The following ZNF891 variants were observed in gnomAD, a reference collection of about 807,000 sequenced individuals.
ZNF891 encodes hCG1646157.
For missense variants in ZNF891, 589 were observed against 632.7 expected (o/e 0.93, Z 0.74); for synonymous variants, 199 against 209.0 (o/e 0.95, Z 0.41).
rs535422046 is a variant in ZNF891 at position 133,120,982 on chromosome 12, G to T, written c.937C>A (p.Gln313Lys). The T allele has an allele frequency of 1.8e-5, 28 of 1,535,700 alleles. No homozygotes were observed. The South Asian group carries it at 3.0e-4, about 16-fold the overall frequency. ...CHQSSLKKQGQTHTEKKHECN... is the reference protein window; with the variant it reads ...CHQSSLKKQGKTHTEKKHECN... ...TCATGTTTCTTTTCAGTATGAGTTT[G>T]TCCTTGTTTCTTAAGGGATGATTGA... Residue 313 changes from glutamine (Q) to lysine (K), a missense_variant, in exon 2 of 2, where the codon CAA (glutamine) becomes AAA (lysine). By Grantham distance (53) the Gln-to-Lys change is moderately conservative. Transcript: ENST00000537226.
rs1955640457 is a variant in ZNF891 at position 133,107,503 on chromosome 12, C to T, written c.*12781G>A. 6.6e-6 allele frequency: 1 copy of T among 151,618 alleles called. No individual in the cohort carries two copies. Among genetic ancestry groups the T allele is most frequent in the African/African-American group, 2.4e-5 (1 of 41,404 alleles). The allele number at this position is 151,618 out of a possible 1,614,324, so 9.4% of individuals were successfully genotyped here. On this transcript the variant is annotated 3_prime_UTR_variant, in exon 2 of 2. Transcript: ENST00000537226. The stretch of plus-strand genomic sequence containing the variant: ...CTACAATATTGACATAAAAAATAAA[C>T]AGTAGTTTTTCTTGTTGAAACATAC...
Position 133,105,759 on chromosome 12 carries a change from A to G in ZNF891, c.*14525T>C, listed in dbSNP as rs1489882364. The stretch of plus-strand genomic sequence containing the variant: ...AATATCAGTACTGTGGAGAGGCCCT[A>G]TGGATGCCATGAATGTGGAAAAACT... On this transcript the variant is annotated 3_prime_UTR_variant, in exon 2 of 2. Transcript: ENST00000537226. The G allele has an allele frequency of 6.2e-7, 1 of 1,614,202 alleles. No individual in the cohort carries two copies. Among genetic ancestry groups the G allele is most frequent in the Admixed American group, 1.7e-5 (1 of 60,028 alleles).
rs1566333008 is a variant in ZNF891 at position 133,114,968 on chromosome 12, AT to A, written c.*5315del. The A allele has an allele frequency of 6.6e-6, 1 of 152,254 alleles. No individual in the cohort carries two copies. The highest frequency in any genetic ancestry group is 1.5e-5 in the Non-Finnish European group (1 of 68,058). 9.4% of individuals were successfully genotyped at this position (152,254 alleles called of 1,614,324 possible). On this transcript the variant is annotated 3_prime_UTR_variant, in exon 2 of 2. Coordinates refer to ENST00000537226, the MANE Select transcript of ZNF891 (RefSeq NM_001277291.2). ...GAAAGCACAATATATAAACAATATT[AT>A]TGATTGCAGTATTGTTATAAAAACT...
chr12:133,105,690 G>A lies in ZNF891; in HGVS notation c.*14594C>T, dbSNP rs1223514380. 3.0e-5 allele frequency: 48 copies of A among 1,614,038 alleles called. No homozygotes were observed. Among genetic ancestry groups the A allele is most frequent in the Non-Finnish European group, 3.3e-5 (39 of 1,180,036 alleles). ...CTGCAAGAAAATCAGGGATGTATTA[G>A]GAAAGTAACAGTCTCTCATCAAGAA... On this transcript the variant is annotated 3_prime_UTR_variant, in exon 2 of 2. Transcript: ENST00000537226.
chr12:133,106,262 TATGAATGTA>T lies in ZNF891; in HGVS notation c.*14013_*14021del. ...GAGCATCCATACAACCAAAACCCCG[TATGAATGTA>T]ATGAATGTAGGAAAGCTTTCCGTTG... On this transcript the variant is annotated 3_prime_UTR_variant, in exon 2 of 2. Transcript: ENST00000537226. The T allele has an allele frequency of 1.2e-6, 2 of 1,614,190 alleles. No individual in the cohort carries two copies. Among genetic ancestry groups the T allele is most frequent in the Non-Finnish European group, 1.7e-6 (2 of 1,180,022 alleles).
chr12:133,128,792 G>GAA (rs74873248), intron 1 of ZNF891, among the ~76,000 whole-genome samples: 2 of 104,726 alleles, frequency 1.9e-5, no homozygotes, highest in Non-Finnish European at 3.7e-5. Context: ...ACTCTGTCTC[G>GAA]AAAAAAAAAA....
chr12:133,126,710 G>A (rs1308153107), intron 1 of ZNF891, among the ~76,000 whole-genome samples: 2 of 149,446 alleles, frequency 1.3e-5, no homozygotes, highest in Non-Finnish European at 3.0e-5. Context: ...CCAGCTACTC[G>A]GGAGGCTGAA....
rs992618090 is a variant in ZNF891, at chr12:133,107,825, A to G, written c.*12459T>C. On this transcript the variant is annotated 3_prime_UTR_variant, in exon 2 of 2. Coordinates refer to ENST00000537226, the MANE Select transcript of ZNF891 (RefSeq NM_001277291.2). Reference sequence around the variant, plus strand: ...TTTGCCTTAATCAGGAAGGTAAGCAATTTTATTTTGTAGAAAGAGAGGTAG... The same window carrying G: ...TTTGCCTTAATCAGGAAGGTAAGCAGTTTTATTTTGTAGAAAGAGAGGTAG... 1.9e-4 allele frequency: 29 copies of G among 152,226 alleles called. No homozygotes were observed. The highest frequency in any genetic ancestry group is 7.0e-4 in the African/African-American group (29 of 41,466). The allele number at this position is 152,226 out of a possible 1,614,324, so 9.4% of individuals were successfully genotyped here.
Position 133,105,508 on chromosome 12 carries a change from A to C in ZNF891, c.*14776T>G. ...ATTCACTTTTTTTTTGGTATCTTTCAGTTTCAGAGTCAAGTGGTGAGATCA... is the reference window on the plus strand; with the variant it reads ...ATTCACTTTTTTTTTGGTATCTTTCCGTTTCAGAGTCAAGTGGTGAGATCA... On this transcript the variant is annotated 3_prime_UTR_variant, in exon 2 of 2. Transcript: ENST00000537226. 4 of 1,574,380 alleles carry C rather than the reference A, an allele frequency of 2.5e-6. No homozygotes were observed. Among genetic ancestry groups the C allele is most frequent in the Non-Finnish European group, 3.4e-6 (4 of 1,163,964 alleles).
At position 133,107,604 on chromosome 12, in the gene ZNF891, A is replaced by AGTT. The variant is rs1335664913; in HGVS notation, c.*12677_*12679dup. The AGTT allele has an allele frequency of 6.6e-6, 1 of 152,258 alleles. No homozygotes were observed. The highest frequency in any genetic ancestry group is 2.4e-5 in the African/African-American group (1 of 41,474). 9.4% of individuals were successfully genotyped at this position (152,258 alleles called of 1,614,324 possible). On this transcript the variant is annotated 3_prime_UTR_variant, in exon 2 of 2. Coordinates refer to ENST00000537226, the MANE Select transcript of ZNF891 (RefSeq NM_001277291.2). ...AGTTTGGATTTAAGGTAATGCTGACAGTTATCCTTGAATCTGACTATAGAC... is the reference window on the plus strand; with the variant it reads ...AGTTTGGATTTAAGGTAATGCTGACAGTTGTTATCCTTGAATCTGACTATAGAC...
At position 133,113,879 on chromosome 12, in the gene ZNF891, T is replaced by C. The variant is rs1008867255; in HGVS notation, c.*6405A>G. 6.6e-6 allele frequency: 1 copy of C among 151,868 alleles called. No homozygotes were observed. The highest frequency in any genetic ancestry group is 1.9e-4 in the East Asian group (1 of 5,176). The allele number at this position is 151,868 out of a possible 1,614,324, so 9.4% of individuals were successfully genotyped here. A position where few individuals can be genotyped will look rare whatever the true frequency, so the allele number is the denominator to read the frequency against. On this transcript the variant is annotated 3_prime_UTR_variant, in exon 2 of 2. Coordinates refer to ENST00000537226, the MANE Select transcript of ZNF891 (RefSeq NM_001277291.2). ...CTGGGACCACAGATTCATGACACCATGGGTAATTTTTTTTTTTTGGTAGAG... is the reference window on the plus strand; with the variant it reads ...CTGGGACCACAGATTCATGACACCACGGGTAATTTTTTTTTTTTGGTAGAG...
In ZNF891 at chr12:133,107,341, G is replaced by A. The variant is rs980592259; in HGVS notation, c.*12943C>T. 3 of 152,120 alleles carry A rather than the reference G, an allele frequency of 2.0e-5. No homozygotes were observed. Among genetic ancestry groups the A allele is most frequent in the African/African-American group, 4.8e-5 (2 of 41,436 alleles). The allele number at this position is 152,120 out of a possible 1,614,324, so 9.4% of individuals were successfully genotyped here. A position where few individuals can be genotyped will look rare whatever the true frequency, so the allele number is the denominator to read the frequency against. ...ATACTGGATGGAATCTGTAGGAAAC[G>A]GTTCTATTTTGAGGGAAGGGGGATT... On this transcript the variant is annotated 3_prime_UTR_variant, in exon 2 of 2. Coordinates refer to ENST00000537226, the MANE Select transcript of ZNF891 (RefSeq NM_001277291.2).
chr12:133,127,709 T>C (rs1955830607), intron 1 of ZNF891, among the ~76,000 whole-genome samples: 1 of 152,110 alleles, frequency 6.6e-6, no homozygotes, highest in Non-Finnish European at 1.5e-5. Flanking sequence ...GATGAGGAAA[T>C]TGATGAGGGC....
In ZNF891 at chr12:133,125,954, C is replaced by T. The variant is rs1955811053; in HGVS notation, c.-106-3930G>A. The T allele has an allele frequency of 1.4e-5, 6 of 434,100 alleles. No individual in the cohort carries two copies. In the Admixed American group the frequency reaches 1.5e-4, roughly 11 times the overall value. The allele number at this position is 434,100 out of a possible 1,614,324, so 26.9% of individuals were successfully genotyped here. ...TGCCAACAAAACTGAATAATCTAAACTGAGTCCAGCTGGCTAATTCTAAAT... is the reference window on the plus strand; with the variant it reads ...TGCCAACAAAACTGAATAATCTAAATTGAGTCCAGCTGGCTAATTCTAAAT... On this transcript the variant is annotated intron_variant, in intron 1 of 1. Transcript: ENST00000537226.
Position 133,121,936 on chromosome 12 carries a change from C to T in ZNF891, c.-18G>A, listed in dbSNP as rs2137620345. The stretch of plus-strand genomic sequence containing the variant: ...ACTGCCATTTTATGAGTACATAAGC[C>T]TGCACAGTAGAGTAGAGAGATCAGG... On this transcript the variant is annotated 5_prime_UTR_variant, in exon 2 of 2. Transcript: ENST00000537226. 6.6e-7 allele frequency: 1 copy of T among 1,520,656 alleles called. No homozygotes were observed. The highest frequency in any genetic ancestry group is 2.4e-5 in the East Asian group (1 of 40,844). The allele number at this position is 1,520,656 out of a possible 1,614,324, so 94.2% of individuals were successfully genotyped here. A position where few individuals can be genotyped will look rare whatever the true frequency, so the allele number is the denominator to read the frequency against.
rs1038488284 is a variant in ZNF891, at chr12:133,113,201, ATTTAC to A, written c.*7078_*7082del. 1 of 151,452 alleles carries A rather than the reference ATTTAC, an allele frequency of 6.6e-6. No individual in the cohort carries two copies. Among genetic ancestry groups the A allele is most frequent in the Admixed American group, 6.6e-5 (1 of 15,210 alleles). The allele number at this position is 151,452 out of a possible 1,614,324, so 9.4% of individuals were successfully genotyped here. ...TGTCCAACAACAGCCTAAGCAAATT[ATTTAC>A]TTTACAACTTTGAAGATATTAAAAT... On this transcript the variant is annotated 3_prime_UTR_variant, in exon 2 of 2. Transcript: ENST00000537226.
At position 133,120,320 on chromosome 12, in the gene ZNF891, T is replaced by C; in HGVS notation, c.1599A>G (p.Ile533Met). Residue 533 changes from isoleucine (I) to methionine (M), a missense_variant, in exon 2 of 2, where the codon ATA becomes ATG. Transcript: ENST00000537226. ...CTCTCTCAGTATGAATTCTCTTGTG[T>C]ATAATAAGTGAAGAGCTCTGACTGA... The part of the protein sequence containing the change: ...KAFSQSSSLI[I>M]HKRIHTERET... The C allele has an allele frequency of 6.4e-7, 1 of 1,554,166 alleles. No individual in the cohort carries two copies. Among genetic ancestry groups the C allele is most frequent in the Non-Finnish European group, 8.7e-7 (1 of 1,152,918 alleles).
At position 133,121,233 on chromosome 12, in the gene ZNF891, T is replaced by C. The variant is rs776726148; in HGVS notation, c.686A>G (p.Asn229Ser). Residue 229 changes from asparagine to serine, a missense_variant, in exon 2 of 2, where the codon AAT (asparagine) becomes AGT (serine). Physicochemically the swap from Asn to Ser is conservative, Grantham distance 46. Transcript: ENST00000537226. Reference protein sequence around the residue: ...CYSEIGCLKHNSIINNYVKNS... With the variant: ...CYSEIGCLKHSSIINNYVKNS... ...TTTCACATAATTGTTTATGATTGAA[T>C]TGTGTTTCAAACATCCAATCTCTGA... 2.1e-5 allele frequency: 32 copies of C among 1,535,408 alleles called. No homozygotes were observed. The highest frequency in any genetic ancestry group is 8.2e-5 in the African/African-American group (6 of 73,052).
chr12:133,126,307 T>C (rs1019883145), intron 1 of ZNF891, among the ~76,000 whole-genome samples: 2 of 151,822 alleles, frequency 1.3e-5, no homozygotes, highest in Non-Finnish European at 2.9e-5. Context: ...ACCCCATCTC[T>C]ACTAAAAATA....
Sources: gnomAD v4.1 joint callset for allele counts (sites outside exome capture counted in the v4.1 genomes callset) on GRCh38, gnomAD v4.1.1 for gene constraint, MANE v1.5 for transcripts, NCBI Gene and HGNC (gene_info 2026-07-23, HGNC 2026-07-21) for gene names.